GEM: variants seen among roughly 807,000 people sequenced by gnomAD.
GEM encodes GTP binding protein overexpressed in skeletal muscle.
GEM carries 31 observed loss-of-function variants against 33.0 expected under a neutral mutation model. That is an observed-to-expected ratio of 0.94 (90% CI 0.71 to 1.27). The LOEUF (loss-of-function observed/expected upper bound fraction) is 1.27. Ranked by LOEUF, GEM falls within the 50% of genes most tolerant of loss-of-function variation. GEM has a pLI of 0.00. For synonymous variants in GEM, 141 were observed against 143.7 expected, an observed-to-expected ratio of 0.98 and a Z score of 0.13; for missense variants, 354 against 390.5, an observed-to-expected ratio of 0.91 and a Z score of 0.79.
chr8:94,261,675 G>A (rs527371716), intron 1 of GEM, among the ~76,000 whole-genome samples: 1 of 152,296 alleles, frequency 6.6e-6, no homozygotes, highest in South Asian at 2.1e-4. Context: ...CCTTCTTGAA[G>A]CAAATCAGAA....
At chr8:94,253,331 T>C (rs1808818691) in intron 2 of GEM, among the ~76,000 whole-genome samples, 2 of 152,248 alleles carry the variant, frequency 1.3e-5, no homozygotes, top group Non-Finnish European at 2.9e-5. Flanking sequence ...AACGTCTCTC[T>C]CGAACATGTG....
chr8:94,257,899 A>G (rs1460960922), intron 2 of GEM, among the ~76,000 whole-genome samples: 1 of 151,882 alleles, frequency 6.6e-6, no homozygotes, highest in African/African-American at 2.4e-5. Flanking sequence ...GCCTTAGAAA[A>G]CCTTCCTCTT....
intron 2 of GEM, among the ~76,000 whole-genome samples, chr8:94,258,735 G>T (rs1406989825): frequency 6.6e-6 from 1 of 152,182 alleles, no homozygotes; most frequent in Non-Finnish European, 1.5e-5. Flanking sequence ...TTAACACAGT[G>T]CCTGGCACAT....
In GEM at chr8:94,250,164, C is replaced by T; in HGVS notation, c.*146G>A. 1 of 653,834 alleles carries T rather than the reference C, an allele frequency of 1.5e-6. No homozygotes were observed. 40.5% of individuals were successfully genotyped at this position (653,834 alleles called of 1,614,324 possible). ...CAAAAATCTTTCATTTCCCATGCAT[C>T]ATGTTGCCCACAAGGCTAATACGCT... On this transcript the variant is annotated 3_prime_UTR_variant, in exon 5 of 5. Transcript: ENST00000297596.
In GEM at chr8:94,249,369, A is replaced by G. The variant is rs1808713562; in HGVS notation, c.*941T>C. ...ATTTTTCTTATTAAGAAATATGTTC[A>G]TAAATATGCTTTATCAAATGTTAAA... On this transcript the variant is annotated 3_prime_UTR_variant, in exon 5 of 5. Coordinates refer to ENST00000297596, the MANE Select transcript of GEM (RefSeq NM_005261.4). 1 of 152,226 alleles carries G rather than the reference A, an allele frequency of 6.6e-6. No homozygotes were observed. The highest frequency in any genetic ancestry group is 2.4e-5 in the African/African-American group (1 of 41,464). The allele number at this position is 152,226 out of a possible 1,614,324, so 9.4% of individuals were successfully genotyped here. A position where few individuals can be genotyped will look rare whatever the true frequency, so the allele number is the denominator to read the frequency against.
chr8:94,250,378 C>T lies in GEM; in HGVS notation c.823G>A (p.Ala275Thr). 6.2e-7 allele frequency: 1 copy of T among 1,614,104 alleles called. No individual in the cohort carries two copies. The highest frequency in any genetic ancestry group is 8.5e-7 in the Non-Finnish European group (1 of 1,179,952). Residue 275 changes from alanine to threonine, a missense_variant, in exon 5 of 5, where the codon GCC (alanine) becomes ACC (threonine). By Grantham distance (58) the Ala-to-Thr change is moderately conservative. Transcript: ENST00000297596. ...KARRFWGKIV[A>T]KNNKNMAFKL... The stretch of plus-strand genomic sequence containing the variant: ...AAGGCCATATTCTTGTTGTTTTTGG[C>T]CACGATCTTGCCCCAGAAGCGCCTG...
At chr8:94,252,544 G>C (rs1407929979) in intron 3 of GEM, among the ~76,000 whole-genome samples, 1 of 152,128 alleles carries the variant, frequency 6.6e-6, no homozygotes, top group East Asian at 1.9e-4. Flanking sequence ...TACCAAAAAT[G>C]AGCCTTTTCT....
rs1457989244 is a variant in GEM at position 94,250,187 on chromosome 8, G to A, written c.*123C>T. On this transcript the variant is annotated 3_prime_UTR_variant, in exon 5 of 5. Coordinates refer to ENST00000297596, the MANE Select transcript of GEM (RefSeq NM_005261.4). ...ATCATGTTGCCCACAAGGCTAATACGCTAGCTCCCTGCTACAATGGGGGAA... is the reference window on the plus strand; with the variant it reads ...ATCATGTTGCCCACAAGGCTAATACACTAGCTCCCTGCTACAATGGGGGAA... The A allele has an allele frequency of 2.2e-5, 17 of 772,520 alleles. No homozygotes were observed. Among genetic ancestry groups the A allele is most frequent in the South Asian group, 1.5e-4 (8 of 52,276 alleles). 47.9% of individuals were successfully genotyped at this position (772,520 alleles called of 1,614,324 possible).
intron 1 of GEM, chr8:94,260,815 G>C (rs960861660): frequency 1.6e-5 from 4 of 257,410 alleles, no homozygotes; most frequent in African/African-American, 8.7e-5. Flanking sequence ...AAGCAGACTT[G>C]GATGAAAGAA....
intron 2 of GEM, among the ~76,000 whole-genome samples, chr8:94,259,430 T>A (rs1808969070): frequency 2.0e-5 from 3 of 152,204 alleles, no homozygotes; most frequent in Non-Finnish European, 4.4e-5. Flanking sequence ...ACTGAAGCTG[T>A]GGCTGAAAGA....
At chr8:94,260,988 G>A (rs1484175660) in intron 1 of GEM, among the ~76,000 whole-genome samples, 4 of 152,136 alleles carry the variant, frequency 2.6e-5, no homozygotes, top group Non-Finnish European at 5.9e-5. Flanking sequence ...CAGGTTTTGT[G>A]CCTCAGTGGG....
intron 2 of GEM, among the ~76,000 whole-genome samples, chr8:94,254,172 T>C (rs923397961): frequency 1.3e-5 from 2 of 152,130 alleles, no homozygotes; most frequent in Non-Finnish European, 2.9e-5. Context: ...ATCTCACTTA[T>C]TGCCACCTAA....
intron 1 of GEM, among the ~76,000 whole-genome samples, chr8:94,261,456 TCCTC>T (rs1252910458): frequency 2.6e-5 from 4 of 152,112 alleles, no homozygotes; most frequent in Non-Finnish European, 5.9e-5. Context: ...GCTCAAGAGA[TCCTC>T]CACTTCAGCC....
chr8:94,259,178 G>C (rs1808963110), intron 2 of GEM, among the ~76,000 whole-genome samples: 1 of 152,168 alleles, frequency 6.6e-6, no homozygotes. Context: ...CCTTGACACT[G>C]AGACAATCAA....
chr8:94,255,456 C>A (rs538904356), intron 2 of GEM, among the ~76,000 whole-genome samples: 8 of 152,240 alleles, frequency 5.3e-5, no homozygotes, highest in Admixed American at 1.3e-4. Flanking sequence ...CTTTACCCCC[C>A]ACCCCAGTAC....
intron 2 of GEM, among the ~76,000 whole-genome samples, chr8:94,259,121 C>A (rs1274465899): frequency 1.3e-5 from 2 of 152,128 alleles, no homozygotes; most frequent in Non-Finnish European, 2.9e-5. Flanking sequence ...AACAATGAGT[C>A]ATTATTTATA....
rs567967510 is a variant in GEM, at chr8:94,260,250, C to T, written c.254G>A (p.Gly85Glu). 1 of 1,613,680 alleles carries T rather than the reference C, an allele frequency of 6.2e-7. No individual in the cohort carries two copies. Among genetic ancestry groups the T allele is most frequent in the South Asian group, 1.1e-5 (1 of 91,072 alleles). Reference protein sequence around the residue: ...YYRVVLIGEQGVGKSTLANIF... With the variant: ...YYRVVLIGEQEVGKSTLANIF... ...GTTGGCCAGAGTGGACTTGCCCACCCCCTGCTCCCCTATGAGCACCACTCG... is the reference window on the plus strand; with the variant it reads ...GTTGGCCAGAGTGGACTTGCCCACCTCCTGCTCCCCTATGAGCACCACTCG... Residue 85 changes from glycine (G) to glutamate (E), a missense_variant, in exon 2 of 5, where the codon GGG becomes GAG. Coordinates refer to ENST00000297596, the MANE Select transcript of GEM (RefSeq NM_005261.4).
rs1808982275 is a variant in GEM at position 94,260,162 on chromosome 8, G to A, written c.331+11C>T. On this transcript the variant is annotated intron_variant, in intron 2 of 4. Coordinates refer to ENST00000297596, the MANE Select transcript of GEM (RefSeq NM_005261.4). ...TGGTGGAAAGAAGCCCACTGGGGCT[G>A]GGACACCTACCTCCCAGCACCTCGC... 4 of 1,560,714 alleles carry A rather than the reference G, an allele frequency of 2.6e-6. No homozygotes were observed. The highest frequency in any genetic ancestry group is 1.4e-5 in the African/African-American group (1 of 73,996).
At chr8:94,261,248 G>A (rs945787029) in intron 1 of GEM, among the ~76,000 whole-genome samples, 1 of 152,110 alleles carries the variant, frequency 6.6e-6, no homozygotes, top group African/African-American at 2.4e-5. Context: ...TAGACACCCT[G>A]GCAGAGAAAT....
Sources: gnomAD v4.1 joint callset for allele counts (sites outside exome capture counted in the v4.1 genomes callset) on GRCh38, gnomAD v4.1.1 for gene constraint, MANE v1.5 for transcripts, NCBI Gene and HGNC (gene_info 2026-07-23, HGNC 2026-07-21) for gene names.